SDK1: variants seen among roughly 807,000 people sequenced by gnomAD.
SDK1 encodes the protein sidekick cell adhesion molecule 1.
SDK1 carries 157 observed loss-of-function variants against 245.5 expected under a neutral mutation model. The ratio of observed to expected loss-of-function variants is 0.64; its 90% CI spans 0.56 to 0.73. The LOEUF (loss-of-function observed/expected upper bound fraction) is 0.73, where lower values mean the gene tolerates loss of function less well. Among genes scored for constraint, SDK1 ranks in the 30% least tolerant of loss-of-function variants. The pLI is 0.00. For synonymous variants in SDK1, 1,647 were observed against 1,278.5 expected (o/e 1.29, Z -6.15); for missense variants, 3,583 against 3,002.3 (o/e 1.19, Z -4.52).
At chr7:3,839,711 A>G (rs1237247627) in intron 5 of SDK1, among the ~76,000 whole-genome samples, 1 of 152,186 alleles carries the variant, frequency 6.6e-6, no homozygotes, top group Non-Finnish European at 1.5e-5. Context: ...TTTCCAGTAA[A>G]TTTTACTTTT....
intron 1 of SDK1, among the ~76,000 whole-genome samples, chr7:3,605,548 A>T (rs1269269668): frequency 1.3e-5 from 2 of 152,120 alleles, no homozygotes; most frequent in Non-Finnish European, 2.9e-5. Flanking sequence ...ATGCACCTAA[A>T]TTATTGATTC....
intron 5 of SDK1, among the ~76,000 whole-genome samples, chr7:3,891,344 C>T (rs1236932777): frequency 1.3e-5 from 2 of 152,176 alleles, no homozygotes; most frequent in Admixed American, 6.5e-5. Context: ...CTTCTGTCAT[C>T]CTCCATGGCT....
intron 35 of SDK1, among the ~76,000 whole-genome samples, chr7:4,205,256 C>G (rs1784152126): frequency 6.6e-6 from 1 of 152,206 alleles, no homozygotes; most frequent in Non-Finnish European, 1.5e-5. Context: ...CGAACTTCAT[C>G]TAGATCAGGG....
intron 41 of SDK1, among the ~76,000 whole-genome samples, chr7:4,236,451 G>A (rs1033051835): frequency 8.5e-5 from 13 of 152,124 alleles, no homozygotes; most frequent in East Asian, 1.9e-4. Context: ...AGGGCCAGTC[G>A]TTCAGCTTGG....
In SDK1 at chr7:3,987,171, C is replaced by T. The variant is rs1783920433; in HGVS notation, c.1995-15C>T. 1.2e-6 allele frequency: 2 copies of T among 1,612,722 alleles called. No individual in the cohort carries two copies. The highest frequency in any genetic ancestry group is 1.3e-5 in the African/African-American group (1 of 74,776). On this transcript the variant is annotated splice_polypyrimidine_tract_variant and intron_variant, in intron 13 of 44. Coordinates refer to ENST00000404826, the MANE Select transcript of SDK1 (RefSeq NM_152744.4). ...GTGTTTTCCTCTTTTTCCTTTTCAT[C>T]CCATTCAATTCAAGTGAACTGCCTC... is the stretch of plus-strand genomic sequence containing the variant.
At chr7:3,831,069 T>G (rs1184964638) in intron 5 of SDK1, among the ~76,000 whole-genome samples, 1 of 152,196 alleles carries the variant, frequency 6.6e-6, no homozygotes, top group East Asian at 1.9e-4. Flanking sequence ...AAGGAATTTT[T>G]GGAGGGCACA....
At chr7:4,238,417 G>C (rs1373473554) in intron 42 of SDK1, among the ~76,000 whole-genome samples, 1 of 152,004 alleles carries the variant, frequency 6.6e-6, no homozygotes, top group East Asian at 1.9e-4. Context: ...AGTGAGGTGT[G>C]TCTGGGAATG....
In SDK1 at chr7:4,137,620, ACTTGGC is replaced by A. The variant is rs1467903093; in HGVS notation, c.4228+5202_4228+5207del. 1.2e-4 allele frequency among the ~76,000 whole-genome samples: 19 copies of A among 152,314 alleles called. No homozygotes were observed. The South Asian group carries it at 2.1e-3, about 17-fold the overall frequency. On this transcript the variant is annotated intron_variant, in intron 28 of 44. Coordinates refer to ENST00000404826, the MANE Select transcript of SDK1 (RefSeq NM_152744.4). The stretch of plus-strand genomic sequence containing the variant: ...TTCCATTTGGATCAATGTGTCTCGT[ACTTGGC>A]CTTGCTCCTTTTAATGCTCATATTA...
chr7:3,472,968 G>A (rs1046480941), intron 1 of SDK1, among the ~76,000 whole-genome samples: 1 of 152,168 alleles, frequency 6.6e-6, no homozygotes, highest in Admixed American at 6.5e-5. Context: ...CCAGTGGTCT[G>A]CTATTTGACC....
At chr7:3,693,750 A>G (rs1784496842) in intron 4 of SDK1, among the ~76,000 whole-genome samples, 1 of 152,146 alleles carries the variant, frequency 6.6e-6, no homozygotes, top group Non-Finnish European at 1.5e-5. Context: ...CTGGGAATCT[A>G]TTGTTATAGC....
chr7:3,478,744 C>T (rs971851404), intron 1 of SDK1, among the ~76,000 whole-genome samples: 59 of 151,914 alleles, frequency 3.9e-4, no homozygotes, highest in African/African-American at 1.3e-3. Context: ...TTTATACTGT[C>T]GTTCCTTTCC....
At chr7:3,821,173 A>C (rs191177440) in intron 4 of SDK1, among the ~76,000 whole-genome samples, 1 of 152,178 alleles carries the variant, frequency 6.6e-6, no homozygotes. Flanking sequence ...CTGGATGTCT[A>C]TGTTCCAGAA....
At chr7:3,593,527 C>G (rs1272535195) in intron 1 of SDK1, among the ~76,000 whole-genome samples, 1 of 152,204 alleles carries the variant, frequency 6.6e-6, no homozygotes, top group Non-Finnish European at 1.5e-5. Context: ...AAGACAGCTT[C>G]TCAAGATGTT....
At chr7:3,442,963 A>G (rs1780239074) in intron 1 of SDK1, among the ~76,000 whole-genome samples, 4 of 152,184 alleles carry the variant, frequency 2.6e-5, no homozygotes, top group East Asian at 1.9e-4. Context: ...AGCCTGCTCT[A>G]TAAAGGATGT....
At chr7:3,302,016 AGG>A in intron 1 of SDK1, 132 bp downstream of exon 1, 11 of 591,908 alleles carry the variant, frequency 1.9e-5, no homozygotes, top group East Asian at 9.4e-5. Flanking sequence ...TGGGGGCTCT[AGG>A]GAGCCCAGGG....
intron 1 of SDK1, among the ~76,000 whole-genome samples, chr7:3,603,236 G>A (rs1177137188): frequency 7.0e-6 from 1 of 142,050 alleles, no homozygotes; most frequent in Non-Finnish European, 1.5e-5. Context: ...TTGGTAGCTT[G>A]ATGGGGATGG....
rs746972210 is a variant in SDK1, at chr7:4,067,828, T to C, written c.2912-10T>C. 3.1e-6 allele frequency: 5 copies of C among 1,606,942 alleles called. No homozygotes were observed. Among genetic ancestry groups the C allele is most frequent in the Non-Finnish European group, 4.3e-6 (5 of 1,175,556 alleles). ...TTGTGTTAACAGATGACTTTGCTTT[T>C]AATTGGTAGAACCAGGAGCTGTGGG... On this transcript the variant is annotated splice_polypyrimidine_tract_variant and intron_variant, in intron 19 of 44. Coordinates refer to ENST00000404826, the MANE Select transcript of SDK1 (RefSeq NM_152744.4).
At chr7:3,356,902 A>C (rs1780811876) in intron 1 of SDK1, among the ~76,000 whole-genome samples, 1 of 151,942 alleles carries the variant, frequency 6.6e-6, no homozygotes, top group South Asian at 2.1e-4. Context: ...CTAAAAATAT[A>C]AAATTAGCTG....
chr7:3,781,941 C>A (rs1583408026), intron 4 of SDK1, among the ~76,000 whole-genome samples: 1 of 152,184 alleles, frequency 6.6e-6, no homozygotes, highest in South Asian at 2.1e-4. Flanking sequence ...GAGATGACAC[C>A]TTTGTATAAT....
Sources: gnomAD v4.1 joint callset for allele counts (sites outside exome capture counted in the v4.1 genomes callset) on GRCh38, gnomAD v4.1.1 for gene constraint, MANE v1.5 for transcripts, NCBI Gene and HGNC (gene_info 2026-07-23, HGNC 2026-07-21) for gene names.